NRG3: variants seen among roughly 807,000 people sequenced by gnomAD.
The protein encoded by NRG3 is neuregulin 3.
A neutral mutation model predicts 66.9 loss-of-function variants in NRG3; 31 were observed. The observed-to-expected ratio is 0.46, with a 90% CI of 0.35 to 0.63. The LOEUF (loss-of-function observed/expected upper bound fraction) is 0.63. Among genes scored for constraint, NRG3 ranks in the 20% least tolerant of loss-of-function variants. NRG3 has a pLI of 0.00. For missense variants in NRG3, 910 were observed against 878.9 expected (o/e 1.04, Z -0.45); for synonymous variants, 393 against 359.4 (o/e 1.09, Z -1.06).
At chr10:82,413,853 G>T (rs1422846111) in intron 2 of NRG3, among the ~76,000 whole-genome samples, 1 of 152,100 alleles carries the variant, frequency 6.6e-6, no homozygotes, top group Non-Finnish European at 1.5e-5. Flanking sequence ...TTCTTCTGCA[G>T]CCTCCTCACC....
chr10:82,824,389 G>A (rs2062090566), intron 3 of NRG3, among the ~76,000 whole-genome samples: 1 of 152,130 alleles, frequency 6.6e-6, no homozygotes, highest in Non-Finnish European at 1.5e-5. Flanking sequence ...ATACCCAGAG[G>A]TGAAATTGCT....
At chr10:81,905,796 A>G (rs899386135) in intron 1 of NRG3, among the ~76,000 whole-genome samples, 1 of 152,198 alleles carries the variant, frequency 6.6e-6, no homozygotes, top group Non-Finnish European at 1.5e-5. Context: ...CTGTGCATGC[A>G]TTCTATTCTG....
rs976779752 is a variant in NRG3, at chr10:81,956,291, C to T, written c.823+80128C>T. Among the ~76,000 whole-genome samples, 4 of 152,140 alleles carry T rather than the reference C, an allele frequency of 2.6e-5. No homozygotes were observed. The East Asian group carries it at 5.8e-4, about 22-fold the overall frequency. On this transcript the variant is annotated intron_variant, in intron 1 of 8. Transcript: ENST00000372141. ...CACCAAGCTCCAAGGAACCCACACT[C>T]GCCAACATGGAGGAACCACATGGAA... is the stretch of plus-strand genomic sequence containing the variant.
rs112702440 is a variant in NRG3 at position 82,360,418 on chromosome 10, G to A, written c.953+1550G>A. Among the ~76,000 whole-genome samples, 199 of 152,268 alleles carry A rather than the reference G, an allele frequency of 1.3e-3. 1 individual carries two copies. The highest frequency in any genetic ancestry group is 4.5e-3 in the African/African-American group (185 of 41,562). On this transcript the variant is annotated intron_variant, in intron 2 of 8. Transcript: ENST00000372141. Reference sequence around the variant, plus strand: ...AATGCAATCAATTATGTTTGAATTCGTAATCAATTGAAGAAGGGATGAATC... The same window carrying A: ...AATGCAATCAATTATGTTTGAATTCATAATCAATTGAAGAAGGGATGAATC...
intron 2 of NRG3, among the ~76,000 whole-genome samples, chr10:82,678,766 T>G (rs1451181398): frequency 6.6e-6 from 1 of 152,110 alleles, no homozygotes; most frequent in Non-Finnish European, 1.5e-5. Context: ...TTTTTTTGCC[T>G]AAGAGATCAC....
intron 1 of NRG3, among the ~76,000 whole-genome samples, chr10:82,031,636 A>G (rs1212319861): frequency 2.0e-5 from 3 of 152,104 alleles, no homozygotes; most frequent in East Asian, 1.9e-4. Flanking sequence ...TGCCTGCCAC[A>G]TATGTAACAA....
At chr10:82,792,268 T>G (rs753914881) in intron 3 of NRG3, among the ~76,000 whole-genome samples, 1 of 152,206 alleles carries the variant, frequency 6.6e-6, no homozygotes, top group Non-Finnish European at 1.5e-5. Flanking sequence ...GGACTTACTT[T>G]ATCATCTGGA....
chr10:82,655,792 A>C (rs2051799222), intron 2 of NRG3, among the ~76,000 whole-genome samples: 2 of 152,230 alleles, frequency 1.3e-5, no homozygotes, highest in South Asian at 4.1e-4. Context: ...TGTGACTATT[A>C]GCAAGCATAA....
intron 1 of NRG3, among the ~76,000 whole-genome samples, chr10:81,895,373 TCTGCATA>T (rs1843421618): frequency 6.6e-6 from 1 of 152,150 alleles, no homozygotes; most frequent in South Asian, 2.1e-4. Context: ...AACTGATAGA[TCTGCATA>T]CTCAGATTAT....
In NRG3 at chr10:82,958,988, A is replaced by G. The variant is rs750910913; in HGVS notation, c.1197A>G (p.Pro399=). 1 of 1,605,804 alleles carries G rather than the reference A, an allele frequency of 6.2e-7. No individual in the cohort carries two copies. Among genetic ancestry groups the G allele is most frequent in the South Asian group, 1.1e-5 (1 of 89,256 alleles). The stretch of plus-strand genomic sequence containing the variant: ...AAATCCAAGAGCAGCTGAAAGTGCC[A>G]CAAAATGGTAAAAGCTACAGTCTCA... ...AKQIQEQLKV[P]QNGKSYSLKA... The change falls in exon 6 of 9, where the codon CCA becomes CCG. Residue 399 remains proline (P), a synonymous_variant. Coordinates refer to ENST00000372141, the MANE Select transcript of NRG3 (RefSeq NM_001010848.4).
At chr10:81,987,044 A>G (rs980347774) in intron 1 of NRG3, among the ~76,000 whole-genome samples, 2 of 151,816 alleles carry the variant, frequency 1.3e-5, no homozygotes, top group Non-Finnish European at 2.9e-5. Flanking sequence ...TTTGAAAACT[A>G]TATTACCCTG....
intron 2 of NRG3, among the ~76,000 whole-genome samples, chr10:82,378,858 G>T (rs376885453): frequency 6.6e-6 from 1 of 152,084 alleles, no homozygotes; most frequent in South Asian, 2.1e-4. Flanking sequence ...GGCATGAGCC[G>T]CCGCGCCTGG....
Position 81,875,506 on chromosome 10 carries a change from G to T in NRG3, c.166G>T (p.Asp56Tyr), listed in dbSNP as rs1231482177. 2.2e-5 allele frequency: 36 copies of T among 1,606,150 alleles called. No homozygotes were observed. Among genetic ancestry groups the T allele is most frequent in the East Asian group, 6.7e-5 (3 of 44,674 alleles). The change falls in exon 1 of 9, where the codon GAC becomes TAC. Residue 56 changes from aspartate (D) to tyrosine (Y), a missense_variant. Coordinates refer to ENST00000372141, the MANE Select transcript of NRG3 (RefSeq NM_001010848.4). This position sits in a 1 kb window ranked among gnomAD's most constrained non-coding sequence, Gnocchi z 5.3. ...AEPPRELRCS[D>Y]CIVWNRQQTW... ...GCCCCCCCGGGAGTTACGCTGTAGC[G>T]ACTGCATCGTGTGGAACCGGCAGCA...
At chr10:82,500,099 T>C (rs1325984109) in intron 2 of NRG3, among the ~76,000 whole-genome samples, 2 of 152,150 alleles carry the variant, frequency 1.3e-5, no homozygotes, top group Non-Finnish European at 2.9e-5. Flanking sequence ...TGAGGACATA[T>C]TGAAAAAGGA....
chr10:82,357,230 A>G (rs1443801047), intron 1 of NRG3, among the ~76,000 whole-genome samples: 2 of 152,224 alleles, frequency 1.3e-5, no homozygotes, highest in South Asian at 2.1e-4. Context: ...GACCAGACAG[A>G]TAAACATATA....
At chr10:82,169,650 C>A (rs1554839444) in intron 1 of NRG3, among the ~76,000 whole-genome samples, 1 of 151,484 alleles carries the variant, frequency 6.6e-6, no homozygotes, top group Non-Finnish European at 1.5e-5. Context: ...CTTTATTTCA[C>A]CTATCTTTCT....
chr10:82,304,817 A>G (rs928417774), intron 1 of NRG3, among the ~76,000 whole-genome samples: 8 of 152,050 alleles, frequency 5.3e-5, no homozygotes, highest in African/African-American at 1.9e-4. Context: ...ATATAATGTA[A>G]TCCAATCATG....
intron 3 of NRG3, among the ~76,000 whole-genome samples, chr10:82,805,772 C>G (rs2135466795): frequency 1.3e-5 from 2 of 152,310 alleles, no homozygotes; most frequent in Non-Finnish European, 2.9e-5. Flanking sequence ...ACCTGAGCCT[C>G]TGGGCCTTTG....
At chr10:82,318,713 C>G (rs1465493874) in intron 1 of NRG3, among the ~76,000 whole-genome samples, 1 of 152,228 alleles carries the variant, frequency 6.6e-6, no homozygotes, top group East Asian at 1.9e-4. Flanking sequence ...ACTCTTCTCA[C>G]TGTTGCCTCT....
Sources: allele counts gnomAD v4.1 joint callset (sites outside exome capture counted in the v4.1 genomes callset), GRCh38; gene constraint gnomAD v4.1.1; non-coding constraint Gnocchi (gnomAD v3.1); transcripts MANE v1.5; gene names NCBI Gene and HGNC (gene_info 2026-07-23, HGNC 2026-07-21).